TMEM182: variants seen among roughly 807,000 people sequenced by gnomAD.
TMEM182 encodes transmembrane protein 182.
TMEM182 carries 20 observed loss-of-function variants against 26.8 expected under a neutral mutation model. That is an observed-to-expected ratio of 0.75 (90% confidence interval 0.53 to 1.09). The LOEUF (loss-of-function observed/expected upper bound fraction) is 1.09. Among genes scored for constraint, TMEM182 ranks in the 50% least tolerant of loss-of-function variants. The pLI is 0.00. For missense variants in TMEM182, 277 were observed against 275.5 expected, an observed-to-expected ratio of 1.01 and a Z score of -0.04; for synonymous variants, 109 against 102.2, an observed-to-expected ratio of 1.07 and a Z score of -0.40.
At chr2:102,792,619 A>C (rs1681695404) in intron 3 of TMEM182, among the ~76,000 whole-genome samples, 1 of 152,256 alleles carries the variant, frequency 6.6e-6, no homozygotes, top group South Asian at 2.1e-4. Context: ...TAATATAATT[A>C]GCTAGAAAAT....
chr2:102,745,305 G>A (rs1170511131), intron 1 of TMEM182, among the ~76,000 whole-genome samples: 6 of 151,990 alleles, frequency 3.9e-5, no homozygotes, highest in African/African-American at 1.4e-4. Context: ...CTCTGTTGAA[G>A]ATACCTATCT....
chr2:102,739,225 T>C (rs1679476974), intron 1 of TMEM182, among the ~76,000 whole-genome samples: 1 of 152,192 alleles, frequency 6.6e-6, no homozygotes, highest in African/African-American at 2.4e-5. Flanking sequence ...AGCAGGAGTG[T>C]ACCAGTCACC....
chr2:102,813,862 A>G (rs1426832955), intron 4 of TMEM182, among the ~76,000 whole-genome samples: 1 of 152,040 alleles, frequency 6.6e-6, no homozygotes, highest in Admixed American at 6.6e-5. Flanking sequence ...GTTGCCCTCT[A>G]GTTAGTGGTT....
chr2:102,805,858 G>C (rs1262305891), intron 4 of TMEM182, among the ~76,000 whole-genome samples: 2 of 152,042 alleles, frequency 1.3e-5, no homozygotes, highest in African/African-American at 4.8e-5. Flanking sequence ...GCAGTGAGCT[G>C]TGACCGCACC....
upstream of TMEM182, among the ~76,000 whole-genome samples, chr2:102,757,713 G>A (rs1191491103): frequency 1.3e-5 from 2 of 152,030 alleles, no homozygotes; most frequent in Non-Finnish European, 2.9e-5. Context: ...CTGTTCTCAC[G>A]CTGCTATAAA....
At chr2:102,779,004 G>A (rs1177267720) in intron 3 of TMEM182, among the ~76,000 whole-genome samples, 1 of 151,914 alleles carries the variant, frequency 6.6e-6, no homozygotes, top group Non-Finnish European at 1.5e-5. Context: ...TATCTTCTTA[G>A]TAATTCTGTT....
exon 4 of TMEM182, chr2:102,843,784 A>G (rs1335731664): frequency 6.6e-6 from 1 of 152,258 alleles, no homozygotes; most frequent in African/African-American, 2.4e-5. Context: ...GATTGAATGA[A>G]TGGATGAAAT....
At chr2:102,767,731 C>A (rs1680509794) in intron 3 of TMEM182, among the ~76,000 whole-genome samples, 1 of 152,086 alleles carries the variant, frequency 6.6e-6, no homozygotes, top group African/African-American at 2.4e-5. Flanking sequence ...TTACTATTTT[C>A]TGCAATAAAC....
chr2:102,805,488 T>C (rs1682310901), intron 4 of TMEM182, among the ~76,000 whole-genome samples: 1 of 152,176 alleles, frequency 6.6e-6, no homozygotes, highest in African/African-American at 2.4e-5. Flanking sequence ...ACATTCTGGT[T>C]CACGGTCTAA....
intron 1 of TMEM182, among the ~76,000 whole-genome samples, chr2:102,755,422 G>A (rs556433116): frequency 3.3e-5 from 5 of 152,288 alleles, no homozygotes; most frequent in Admixed American, 2.0e-4. Flanking sequence ...GCACGTCACC[G>A]TTTGTATTTA....
intron 3 of TMEM182, among the ~76,000 whole-genome samples, chr2:102,790,085 A>G (rs1171995953): frequency 6.6e-6 from 1 of 152,244 alleles, no homozygotes; most frequent in Non-Finnish European, 1.5e-5. Flanking sequence ...CCAGCGTTAA[A>G]AAAAGCAAAT....
chr2:102,820,662 C>T (rs1682900225), downstream of TMEM182, among the ~76,000 whole-genome samples: 1 of 152,078 alleles, frequency 6.6e-6, no homozygotes, highest in African/African-American at 2.4e-5. Flanking sequence ...GAAGAAAACG[C>T]CTGAAAATGG....
intron 3 of TMEM182, among the ~76,000 whole-genome samples, chr2:102,835,001 T>C (rs1683218991): frequency 6.6e-6 from 1 of 152,046 alleles, no homozygotes; most frequent in Non-Finnish European, 1.5e-5. Flanking sequence ...CTTTGGAAAT[T>C]AAGGATAATA....
At chr2:102,739,140 AT>A (rs1476556153) in intron 1 of TMEM182, among the ~76,000 whole-genome samples, 5 of 152,174 alleles carry the variant, frequency 3.3e-5, no homozygotes, top group Non-Finnish European at 5.9e-5. Context: ...TGAGGAAAAG[AT>A]TTCCAGATTA....
exon 4 of TMEM182, chr2:102,843,435 T>C (rs534570989): frequency 6.6e-6 from 1 of 152,350 alleles, no homozygotes; most frequent in African/African-American, 2.4e-5. Flanking sequence ...TCTCTGTTAC[T>C]CAAGCCTCTC....
At chr2:102,775,301 C>G (rs1680862617) in intron 3 of TMEM182, 2 of 152,154 alleles carry the variant, frequency 1.3e-5, no homozygotes. Context: ...ATGATTATCT[C>G]AATAGATGCA....
rs1327808841 is a variant in TMEM182 at position 102,815,709 on chromosome 2, T to G, written c.*741T>G. On this transcript the variant is annotated 3_prime_UTR_variant, in exon 5 of 5. Transcript: ENST00000412401. ...TTTTATGAACTTAAAGTGAGTTAAT[T>G]GTATAATGTAATATTGTTTAAAATA... The G allele has an allele frequency of 1.0e-5, 10 of 970,260 alleles. No individual in the cohort carries two copies. Among genetic ancestry groups the G allele is most frequent in the African/African-American group, 1.8e-5 (1 of 56,886 alleles). The allele number at this position is 970,260 out of a possible 1,614,324, so 60.1% of individuals were successfully genotyped here.
At chr2:102,831,224 C>G (rs571854665) in intron 3 of TMEM182, among the ~76,000 whole-genome samples, 4 of 152,328 alleles carry the variant, frequency 2.6e-5, no homozygotes, top group African/African-American at 9.6e-5. Flanking sequence ...ATACACCCAG[C>G]AGTGGGATTG....
intron 3 of TMEM182, among the ~76,000 whole-genome samples, chr2:102,773,082 T>C (rs1292972567): frequency 6.6e-6 from 1 of 152,176 alleles, no homozygotes; most frequent in African/African-American, 2.4e-5. Context: ...ATGCCATCTG[T>C]ACTGACCAAG....
Sources: allele counts gnomAD v4.1 joint callset (sites outside exome capture counted in the v4.1 genomes callset), GRCh38; gene constraint gnomAD v4.1.1; transcripts MANE v1.5; gene names NCBI Gene and HGNC (gene_info 2026-07-23, HGNC 2026-07-21).